Variants in CREB3L1 observed in about 807,000 individuals in gnomAD.
CREB3L1 encodes the protein cyclic AMP-responsive element-binding protein 3-like protein 1.
In CREB3L1, 33 loss-of-function variants were observed where a neutral mutation model predicts 54.5. That is an observed-to-expected ratio of 0.61 (90% CI 0.46 to 0.81). The LOEUF is 0.81. Among genes scored for constraint, CREB3L1 ranks in the 30% least tolerant of loss-of-function variants. CREB3L1 has a pLI of 0.00. For missense variants in CREB3L1, 656 were observed against 673.3 expected (o/e 0.97, Z 0.29); for synonymous variants, 284 against 286.4 (o/e 0.99, Z 0.08).
At chr11:46,283,645 G>A (rs969232877) in intron 1 of CREB3L1, among the ~76,000 whole-genome samples, 8 of 152,014 alleles carry the variant, frequency 5.3e-5, no homozygotes, top group East Asian at 1.9e-4. Flanking sequence ...TTTGGGAGGC[G>A]GAGGCAGGGG....
rs756233198 is a variant in CREB3L1 at position 46,278,307 on chromosome 11, G to A, written c.102+94G>A. On this transcript the variant is annotated intron_variant, in intron 1 of 11. Transcript: ENST00000621158. The surrounding 1 kb of genome is among the most constrained non-coding windows in gnomAD (Gnocchi z 4.2). ...AGAAGGACCCGACTACACATCACTG[G>A]GCAGGAGCCGGGGAGAGGGTTCAGC... 4.2e-6 allele frequency: 3 copies of A among 711,778 alleles called. No individual in the cohort carries two copies. The highest frequency in any genetic ancestry group is 6.9e-6 in the Non-Finnish European group (3 of 435,838). 44.1% of individuals were successfully genotyped at this position (711,778 alleles called of 1,614,324 possible).
chr11:46,295,597 C>T lies in CREB3L1; in HGVS notation c.103-4338C>T, dbSNP rs901715784. ...GGCCGTCGGCGCAGGCCGGGACCCT[C>T]CTCCGCGCGAGCCCTGCACTCCTCC... On this transcript the variant is annotated intron_variant, in intron 1 of 11. Transcript: ENST00000621158. This position sits in a 1 kb window ranked among gnomAD's most constrained non-coding sequence, Gnocchi z 4.6. Among the ~76,000 whole-genome samples the T allele has an allele frequency of 2.0e-5, 3 of 152,250 alleles. No homozygotes were observed. The highest frequency in any genetic ancestry group is 7.2e-5 in the African/African-American group (3 of 41,480).
chr11:46,283,606 G>A (rs1015234097), intron 1 of CREB3L1, among the ~76,000 whole-genome samples: 2 of 152,156 alleles, frequency 1.3e-5, no homozygotes, highest in Non-Finnish European at 2.9e-5. Flanking sequence ...CAGGCTGGAT[G>A]TGGTGGCTCA....
At chr11:46,305,748 T>TATA (rs1566187929) in intron 2 of CREB3L1, among the ~76,000 whole-genome samples, 29 of 133,684 alleles carry the variant, frequency 2.2e-4, no homozygotes, top group African/African-American at 8.4e-4. Context: ...ATATATATAT[T>TATA]TTTTTTTAAG....
At position 46,320,774 on chromosome 11, in the gene CREB3L1, G is replaced by A. The variant is rs778923960; in HGVS notation, c.*28G>A. ...CATGCCAAGACCCAGGACATAGGACGGACCCCTGGTACCCAGAAGAGGAGT... is the reference window on the plus strand; with the variant it reads ...CATGCCAAGACCCAGGACATAGGACAGACCCCTGGTACCCAGAAGAGGAGT... On this transcript the variant is annotated 3_prime_UTR_variant, in exon 12 of 12. Transcript: ENST00000621158. The A allele has an allele frequency of 2.7e-5, 44 of 1,608,290 alleles. No homozygotes were observed. In the East Asian group the frequency reaches 3.6e-4, roughly 13 times the overall value.
In CREB3L1 at chr11:46,317,489, T is replaced by G; in HGVS notation, c.1258+2T>G. On this transcript the variant is annotated splice_donor_variant, in intron 10 of 11. Transcript: ENST00000621158. LOFTEE classifies it high-confidence loss of function. ...ACGGCGTCTACACGGCCAGCCAGAG[T>G]GAGTGCCCGCCTGTCATGCCAGCTC... 2.5e-6 allele frequency: 4 copies of G among 1,607,642 alleles called. No individual in the cohort carries two copies. The highest frequency in any genetic ancestry group is 3.4e-6 in the Non-Finnish European group (4 of 1,179,718).
In CREB3L1 at chr11:46,304,394, C is replaced by T. The variant is rs552763040; in HGVS notation, c.332-3422C>T. 2.6e-5 allele frequency among the ~76,000 whole-genome samples: 4 copies of T among 152,238 alleles called. No homozygotes were observed. The South Asian group carries it at 8.3e-4, about 32-fold the overall frequency. On this transcript the variant is annotated intron_variant, in intron 2 of 11. Transcript: ENST00000621158. ...GGCTGAGGCAGTAGAATCGGTGAAC[C>T]CGGGAGGCAGAGGTTGCGGTGAACT... is the stretch of plus-strand genomic sequence containing the variant.
intron 1 of CREB3L1, among the ~76,000 whole-genome samples, chr11:46,291,242 G>A (rs1331350632): frequency 2.6e-5 from 4 of 152,188 alleles, no homozygotes; most frequent in Admixed American, 1.3e-4. Context: ...TGTGACCCCA[G>A]GCAAGTGCAC....
In CREB3L1 at chr11:46,312,331, C is replaced by T; in HGVS notation, c.760C>T (p.Gln254Ter). The change falls in exon 6 of 12, where the codon CAG becomes TAG. Residue 254 changes from glutamine (Q) to a stop codon, truncating the protein, a stop_gained. Coordinates refer to ENST00000621158, the MANE Select transcript of CREB3L1 (RefSeq NM_052854.4). LOFTEE classifies it high-confidence loss of function. Reference sequence around the variant, plus strand: ...CACATCATACTTCCTACAGAAATTACAGGGGACATCAGGGCCACTGCTCCT... The same window carrying T: ...CACATCATACTTCCTACAGAAATTATAGGGGACATCAGGGCCACTGCTCCT... ...SPLLTAPHKL[Q>*]GTSGPLLLTE... 1 of 1,593,452 alleles carries T rather than the reference C, an allele frequency of 6.3e-7. No individual in the cohort carries two copies. The highest frequency in any genetic ancestry group is 8.5e-7 in the Non-Finnish European group (1 of 1,170,444).
chr11:46,300,554 G>A (rs768665737), intron 2 of CREB3L1, among the ~76,000 whole-genome samples: 2 of 152,228 alleles, frequency 1.3e-5, no homozygotes, highest in Non-Finnish European at 2.9e-5. Context: ...TGACTTAGAG[G>A]AGACAGTGGG....
In CREB3L1 at chr11:46,305,690, A is replaced by ATGTGTGTG. The variant is rs764468204; in HGVS notation, c.332-2090_332-2083dup. ...TATATATATGTGTGTGTGTGTATAT[A>ATGTGTGTG]TGTGTGTGTGTGTGTGTGTGTGTGT... On this transcript the variant is annotated intron_variant, in intron 2 of 11. Transcript: ENST00000621158. 6.1e-4 allele frequency among the ~76,000 whole-genome samples: 68 copies of ATGTGTGTG among 111,610 alleles called. 1 individual carries two copies. Among genetic ancestry groups the ATGTGTGTG allele is most frequent in the South Asian group, 2.9e-3 (9 of 3,146 alleles). 73.2% of individuals were successfully genotyped at this position (111,610 alleles called of 152,430 possible). A position where few individuals can be genotyped will look rare whatever the true frequency, so the allele number is the denominator to read the frequency against.
intron 1 of CREB3L1, among the ~76,000 whole-genome samples, chr11:46,280,959 C>T (rs1484014899): frequency 6.6e-6 from 1 of 152,324 alleles, no homozygotes; most frequent in East Asian, 1.9e-4. Flanking sequence ...CTCTGTTGCT[C>T]TGTGCAAAAT....
rs1291042459 is a variant in CREB3L1 at position 46,317,477 on chromosome 11, G to A, written c.1248G>A (p.Thr416=). The A allele has an allele frequency of 1.9e-5, 31 of 1,609,746 alleles. No individual in the cohort carries two copies. The highest frequency in any genetic ancestry group is 2.4e-5 in the Non-Finnish European group (28 of 1,179,848). Residue 416 remains threonine (T), a synonymous_variant, in exon 10 of 12, where the codon ACG becomes ACA. Coordinates refer to ENST00000621158, the MANE Select transcript of CREB3L1 (RefSeq NM_052854.4). ...CCCTGGCCGCAGACGGCGTCTACAC[G>A]GCCAGCCAGAGTGAGTGCCCGCCTG... ...EDPLAADGVY[T]ASQMPSRSLL...
At position 46,313,617 on chromosome 11, in the gene CREB3L1, C is replaced by T. The variant is rs562704195; in HGVS notation, c.1031+698C>T. The stretch of plus-strand genomic sequence containing the variant: ...AGAAGAATCACTTGAATCCGAGAGG[C>T]GGCAGTTGCAGTGAGCTGACACTGT... On this transcript the variant is annotated intron_variant, in intron 8 of 11. Coordinates refer to ENST00000621158, the MANE Select transcript of CREB3L1 (RefSeq NM_052854.4). Among the ~76,000 whole-genome samples, 13 of 151,988 alleles carry T rather than the reference C, an allele frequency of 8.6e-5. No homozygotes were observed. The East Asian group carries it at 2.3e-3, about 27-fold the overall frequency.
chr11:46,303,972 C>T (rs1939338222), intron 2 of CREB3L1, among the ~76,000 whole-genome samples: 1 of 152,122 alleles, frequency 6.6e-6, no homozygotes, highest in East Asian at 1.9e-4. Flanking sequence ...CACCACTGCA[C>T]TCCAGCCTAG....
Position 46,312,306 on chromosome 11 carries a change from C to A in CREB3L1, c.754-19C>A. 2 of 1,565,622 alleles carry A rather than the reference C, an allele frequency of 1.3e-6. No individual in the cohort carries two copies. Among genetic ancestry groups the A allele is most frequent in the Non-Finnish European group, 1.7e-6 (2 of 1,156,084 alleles). Reference sequence around the variant, plus strand: ...CCAGGGCTGCCTGGCTCCTAACTACCACATCATACTTCCTACAGAAATTAC... The same window carrying A: ...CCAGGGCTGCCTGGCTCCTAACTACAACATCATACTTCCTACAGAAATTAC... On this transcript the variant is annotated intron_variant, in intron 5 of 11. Coordinates refer to ENST00000621158, the MANE Select transcript of CREB3L1 (RefSeq NM_052854.4).
At position 46,317,385 on chromosome 11, in the gene CREB3L1, G is replaced by A. The variant is rs1939583410; in HGVS notation, c.1156G>A (p.Val386Met). 3.1e-6 allele frequency: 5 copies of A among 1,613,912 alleles called. No homozygotes were observed. In the East Asian group the frequency reaches 6.7e-5, roughly 22 times the overall value. The change falls in exon 10 of 12, where the codon GTG (valine) becomes ATG (methionine). Residue 386 changes from valine to methionine, a missense_variant. This residue lies in a region of CREB3L1 where 240 missense variants were observed against 219.8 expected (regional missense o/e 1.09). Transcript: ENST00000621158. ...GGTGGCAGCCTTGTGCTTTGTTCTG[G>A]TGCTGGGCTCCCTCGTGCCCTGCCT... ...LMVAALCFVL[V>M]LGSLVPCLPE... is the part of the protein sequence containing the mutation.
intron 1 of CREB3L1, among the ~76,000 whole-genome samples, chr11:46,296,030 G>T (rs1031984594): frequency 5.3e-5 from 8 of 152,178 alleles, no homozygotes; most frequent in African/African-American, 1.9e-4. Flanking sequence ...CACCCCCGTT[G>T]CCTGGAAAGG....
intron 10 of CREB3L1, among the ~76,000 whole-genome samples, chr11:46,319,878 C>CA (rs75400988): frequency 0.12 from 14,406 of 122,584 alleles, 887 homozygotes; most frequent in African/African-American, 0.19. Flanking sequence ...GACTCTGTCT[C>CA]AAAAAAAAAA....
Sources: allele counts gnomAD v4.1 joint callset (sites outside exome capture counted in the v4.1 genomes callset), GRCh38; gene constraint gnomAD v4.1.1; regional missense constraint gnomAD v4.1.1; non-coding constraint Gnocchi (gnomAD v3.1); transcripts MANE v1.5; gene names NCBI Gene and HGNC (gene_info 2026-07-23, HGNC 2026-07-21).